The following ATP10A variants were observed in gnomAD, a reference collection of about 807,000 sequenced individuals.
ATP10A encodes ATPase phospholipid transporting 10A (putative).
ATP10A carries 111 observed loss-of-function variants against 147.8 expected under a neutral mutation model. That is an observed-to-expected ratio of 0.75 (90% CI 0.64 to 0.88). The LOEUF (loss-of-function observed/expected upper bound fraction) is 0.88, where lower values mean the gene tolerates loss of function less well. ATP10A is among the 40% of genes least tolerant of loss of function. ATP10A has a pLI of 0.00. For missense variants in ATP10A, 1,927 were observed against 1,959.0 expected (o/e 0.98, Z 0.31); for synonymous variants, 875 against 841.6 (o/e 1.04, Z -0.69).
At chr15:25,757,269 A>T (rs556759791) in intron 2 of ATP10A, among the ~76,000 whole-genome samples, 1 of 152,146 alleles carries the variant, frequency 6.6e-6, no homozygotes, top group Non-Finnish European at 1.5e-5. Flanking sequence ...ACATGTTTCT[A>T]GTAATTATAA....
At chr15:25,700,874 C>T (rs1900619758) in intron 13 of ATP10A, among the ~76,000 whole-genome samples, 1 of 151,680 alleles carries the variant, frequency 6.6e-6, no homozygotes, top group Non-Finnish European at 1.5e-5. Flanking sequence ...ATGACCAGGT[C>T]ATCAGGTCAA....
chr15:25,709,351 C>G (rs1456314258), intron 10 of ATP10A: 2 of 152,206 alleles, frequency 1.3e-5, no homozygotes, highest in East Asian at 3.9e-4. Context: ...CGTGGTAACA[C>G]TCTTAGAAGA....
intron 1 of ATP10A, among the ~76,000 whole-genome samples, chr15:25,805,310 A>G (rs1330064559): frequency 1.3e-5 from 2 of 152,208 alleles, no homozygotes; most frequent in Non-Finnish European, 2.9e-5. Flanking sequence ...CACAATTCCA[A>G]GTTCCTTCAC....
rs763234901 is a variant in ATP10A at position 25,680,112 on chromosome 15, G to A, written c.3866+9C>T. 22 of 1,612,454 alleles carry A rather than the reference G, an allele frequency of 1.4e-5. No homozygotes were observed. The highest frequency in any genetic ancestry group is 6.7e-5 in the Admixed American group (4 of 59,974). ...GGGCTCAGAGGCACTATCCCGCTCC[G>A]ACACCCACCTGGGCAGCAGTGCAGC... On this transcript the variant is annotated intron_variant, in intron 20 of 20. Transcript: ENST00000555815.
chr15:25,680,972 C>T (rs1899375990), intron 18 of ATP10A, 22 bp downstream of exon 18: 2 of 1,614,032 alleles, frequency 1.2e-6, no homozygotes, highest in Non-Finnish European at 8.5e-7. Context: ...GTAAGAAAAA[C>T]TGCACCCAGG....
chr15:25,673,994 G>A (rs548712799), downstream of ATP10A, among the ~76,000 whole-genome samples: 31 of 152,336 alleles, frequency 2.0e-4, no homozygotes, highest in East Asian at 5.0e-3. Flanking sequence ...TTTGGGCCAC[G>A]GAGTGTGATG....
At chr15:25,849,039 C>T (rs1368113394) in intron 1 of ATP10A, among the ~76,000 whole-genome samples, 1 of 151,896 alleles carries the variant, frequency 6.6e-6, no homozygotes, top group African/African-American at 2.4e-5. Context: ...GAGGCAGAGA[C>T]CTTGGTGAGA....
At chr15:25,717,301 G>A (rs1901881694) in intron 8 of ATP10A, among the ~76,000 whole-genome samples, 1 of 152,120 alleles carries the variant, frequency 6.6e-6, no homozygotes, top group Non-Finnish European at 1.5e-5. Flanking sequence ...ACTTGAAAAT[G>A]GATATGTCAT....
At chr15:25,766,792 A>T (rs1263427137) in intron 2 of ATP10A, among the ~76,000 whole-genome samples, 3 of 151,700 alleles carry the variant, frequency 2.0e-5, no homozygotes, top group African/African-American at 7.3e-5. Flanking sequence ...GAACACAGCT[A>T]GGTGCCACGG....
At chr15:25,806,314 T>C (rs1891178569) in intron 1 of ATP10A, among the ~76,000 whole-genome samples, 1 of 102,860 alleles carries the variant, frequency 9.7e-6, no homozygotes, top group Non-Finnish European at 2.3e-5. Flanking sequence ...GCCTTAAGAT[T>C]TTCTTTTCTT....
chr15:25,738,435 T>C (rs1327720428), intron 2 of ATP10A: 1 of 152,270 alleles, frequency 6.6e-6, no homozygotes, highest in Non-Finnish European at 1.5e-5. Flanking sequence ...TTAATGCCAC[T>C]GAACTGTACA....
At chr15:25,743,685 C>G (rs993344174) in intron 2 of ATP10A, among the ~76,000 whole-genome samples, 1 of 152,168 alleles carries the variant, frequency 6.6e-6, no homozygotes, top group Non-Finnish European at 1.5e-5. Context: ...TTTGTTGTCT[C>G]GCAGTCCTGG....
chr15:25,859,933 T>C (rs1450813403), intron 1 of ATP10A, among the ~76,000 whole-genome samples: 1 of 152,242 alleles, frequency 6.6e-6, no homozygotes, highest in South Asian at 2.1e-4. Context: ...AACAATGTGT[T>C]GCACGCTTGG....
At chr15:25,847,288 C>T (rs1196040357) in intron 1 of ATP10A, among the ~76,000 whole-genome samples, 1 of 152,208 alleles carries the variant, frequency 6.6e-6, no homozygotes, top group African/African-American at 2.4e-5. Flanking sequence ...CCAGGGCCAC[C>T]TGTTCTGCTC....
chr15:25,737,924 G>T lies in ATP10A; in HGVS notation c.655-1783C>A, dbSNP rs1397346696. Reference sequence around the variant, plus strand: ...AGGCCTCAAAAGAAACCATCCTGCTGACCCCTTACTCCCGAATGTCCAGCT... The same window carrying T: ...AGGCCTCAAAAGAAACCATCCTGCTTACCCCTTACTCCCGAATGTCCAGCT... On this transcript the variant is annotated intron_variant, in intron 2 of 20. Coordinates refer to ENST00000555815, the MANE Select transcript of ATP10A (RefSeq NM_024490.4). 1.3e-4 allele frequency among the ~76,000 whole-genome samples: 20 copies of T among 152,036 alleles called. 1 individual carries two copies. Among genetic ancestry groups the T allele is most frequent in the Admixed American group, 1.3e-3 (20 of 15,258 alleles).
intron 2 of ATP10A, among the ~76,000 whole-genome samples, chr15:25,779,684 C>A (rs548958243): frequency 6.6e-6 from 1 of 152,294 alleles, no homozygotes; most frequent in Non-Finnish European, 1.5e-5. Flanking sequence ...GGCTGTGCCT[C>A]GAGGGGCCCC....
intron 1 of ATP10A, among the ~76,000 whole-genome samples, chr15:25,785,949 G>C (rs2317229): frequency 0.88 from 134,713 of 152,276 alleles, 60,062 homozygotes; most frequent in East Asian, 1. Flanking sequence ...GCGGGGTCCG[G>C]TCTCCGGAGG....
At chr15:25,681,944 C>T (rs1899435670) in intron 17 of ATP10A, among the ~76,000 whole-genome samples, 1 of 151,604 alleles carries the variant, frequency 6.6e-6, no homozygotes, top group African/African-American at 2.4e-5. Flanking sequence ...GTCCCAGCTA[C>T]TCAGGAGGCT....
intron 15 of ATP10A, among the ~76,000 whole-genome samples, chr15:25,688,381 G>A (rs576306845): frequency 1.3e-5 from 2 of 152,178 alleles, no homozygotes; most frequent in South Asian, 2.1e-4. Flanking sequence ...CCAGGACGCC[G>A]GGTGCGGGCA....
Sources: gnomAD v4.1 joint callset for allele counts (sites outside exome capture counted in the v4.1 genomes callset) on GRCh38, gnomAD v4.1.1 for gene constraint, MANE v1.5 for transcripts, NCBI Gene and HGNC (gene_info 2026-07-23, HGNC 2026-07-21) for gene names.